ERC2: variants seen among roughly 807,000 people sequenced by gnomAD.
The protein encoded by ERC2 is ERC protein 2.
A neutral mutation model predicts 114.8 loss-of-function variants in ERC2; 42 were observed. That is an observed-to-expected ratio of 0.37 (90% CI 0.29 to 0.47). The LOEUF is 0.47. Ranked by LOEUF, ERC2 falls within the 20% of genes least tolerant of loss-of-function variation. ERC2 has a pLI of 0.99. For missense variants in ERC2, 939 were observed against 1,150.7 expected (o/e 0.82, Z 2.66); for synonymous variants, 454 against 425.5 (o/e 1.07, Z -0.82).
At chr3:55,917,493 A>G (rs998820290) in intron 13 of ERC2, among the ~76,000 whole-genome samples, 2 of 152,198 alleles carry the variant, frequency 1.3e-5, no homozygotes. Flanking sequence ...CAGATACAAA[A>G]GGCCATAGGC....
At chr3:55,971,945 T>C (rs2069188440) in intron 12 of ERC2, among the ~76,000 whole-genome samples, 1 of 152,166 alleles carries the variant, frequency 6.6e-6, no homozygotes, top group African/African-American at 2.4e-5. Context: ...ATTTAAAATA[T>C]CTATCAAAAT....
chr3:56,016,862 TCATTACCCCAGA>T (rs2073345786), intron 8 of ERC2, among the ~76,000 whole-genome samples: 1 of 152,044 alleles, frequency 6.6e-6, no homozygotes, highest in Non-Finnish European at 1.5e-5. Context: ...TCCAATTACT[TCATTACCCCAGA>T]GTTTATAGGC....
intron 3 of ERC2, among the ~76,000 whole-genome samples, chr3:56,253,401 A>G (rs910588734): frequency 6.6e-6 from 1 of 152,184 alleles, no homozygotes; most frequent in African/African-American, 2.4e-5. Flanking sequence ...TTCTTTTTCT[A>G]AAAAAGGGAG....
intron 7 of ERC2, among the ~76,000 whole-genome samples, chr3:56,021,411 G>T (rs2073704695): frequency 6.6e-6 from 1 of 151,360 alleles, no homozygotes; most frequent in Non-Finnish European, 1.5e-5. Context: ...TAAAATTATG[G>T]GCCATTTTTG....
chr3:55,934,157 TA>T (rs1439894318), intron 13 of ERC2, among the ~76,000 whole-genome samples: 5 of 152,194 alleles, frequency 3.3e-5, no homozygotes, highest in Admixed American at 6.5e-5. Flanking sequence ...TGCCAAACAT[TA>T]AGAAAAGTTC....
intron 6 of ERC2, among the ~76,000 whole-genome samples, chr3:56,119,525 C>A (rs2079453974): frequency 6.6e-6 from 1 of 152,202 alleles, no homozygotes; most frequent in Admixed American, 6.5e-5. Context: ...CCAGTAAGCC[C>A]AGCCTAGAAC....
intron 13 of ERC2, among the ~76,000 whole-genome samples, chr3:55,937,513 T>C (rs1336652426): frequency 2.6e-5 from 4 of 152,320 alleles, no homozygotes; most frequent in Non-Finnish European, 4.4e-5. Flanking sequence ...CCTAAGGTAC[T>C]GGGGTCAAAC....
chr3:55,579,929 C>T (rs958157583), intron 17 of ERC2, among the ~76,000 whole-genome samples: 1 of 152,228 alleles, frequency 6.6e-6, no homozygotes, highest in African/African-American at 2.4e-5. Flanking sequence ...AATCCTGCTT[C>T]AAGTATCTAC....
chr3:55,886,329 T>G (rs545417833), intron 14 of ERC2, among the ~76,000 whole-genome samples: 1 of 151,684 alleles, frequency 6.6e-6, no homozygotes, highest in African/African-American at 2.4e-5. Context: ...TAAGTTGAAT[T>G]TCAGTATTTT....
intron 7 of ERC2, among the ~76,000 whole-genome samples, chr3:56,033,760 T>C (rs900722747): frequency 4.6e-5 from 7 of 152,324 alleles, no homozygotes; most frequent in South Asian, 2.1e-4. Context: ...ATTTGAATCA[T>C]GTAATCATCC....
At chr3:56,204,156 T>A (rs1428000701) in intron 3 of ERC2, among the ~76,000 whole-genome samples, 1 of 152,096 alleles carries the variant, frequency 6.6e-6, no homozygotes, top group Admixed American at 6.6e-5. Context: ...ACCACTGCAC[T>A]CCAGCCTGGG....
intron 3 of ERC2, among the ~76,000 whole-genome samples, chr3:56,291,648 C>A (rs370283330): frequency 1.3e-5 from 2 of 152,136 alleles, no homozygotes; most frequent in African/African-American, 4.8e-5. Flanking sequence ...CCAACCTACT[C>A]GAACTGTGCA....
At chr3:56,207,912 A>G (rs995395333) in intron 3 of ERC2, among the ~76,000 whole-genome samples, 3 of 152,172 alleles carry the variant, frequency 2.0e-5, no homozygotes, top group Non-Finnish European at 2.9e-5. Flanking sequence ...TCAATTCCCC[A>G]ATCACCATAA....
chr3:56,229,053 T>C (rs1377003918), intron 3 of ERC2, among the ~76,000 whole-genome samples: 1 of 152,164 alleles, frequency 6.6e-6, no homozygotes, highest in Non-Finnish European at 1.5e-5. Context: ...TTCCAGAACT[T>C]CACGTACTTT....
intron 12 of ERC2, among the ~76,000 whole-genome samples, chr3:55,959,589 C>T (rs1296078293): frequency 6.6e-6 from 1 of 152,206 alleles, no homozygotes; most frequent in African/African-American, 2.4e-5. Context: ...ATAAGATGCT[C>T]TTCCTTGCGA....
chr3:55,941,410 T>C (rs2066784084), intron 13 of ERC2, among the ~76,000 whole-genome samples: 1 of 152,202 alleles, frequency 6.6e-6, no homozygotes, highest in Non-Finnish European at 1.5e-5. Flanking sequence ...CCACCTCTAT[T>C]GACTCAATTA....
chr3:55,587,216 C>T (rs776964955), intron 17 of ERC2, among the ~76,000 whole-genome samples: 2 of 152,088 alleles, frequency 1.3e-5, no homozygotes, highest in Non-Finnish European at 2.9e-5. Flanking sequence ...TGCAATGGCA[C>T]GATCTCGGCT....
chr3:55,514,416 T>C (rs2052341791), intron 17 of ERC2, among the ~76,000 whole-genome samples: 1 of 152,148 alleles, frequency 6.6e-6, no homozygotes, highest in Non-Finnish European at 1.5e-5. Context: ...ATTGTGCCAC[T>C]CCAGACAAGA....
intron 2 of ERC2, among the ~76,000 whole-genome samples, chr3:56,422,213 T>C (rs1374712520): frequency 6.6e-6 from 1 of 152,184 alleles, no homozygotes; most frequent in African/African-American, 2.4e-5. Flanking sequence ...AAATGATTAA[T>C]GAGACCATCC....
Sources: gnomAD v4.1 joint callset for allele counts (sites outside exome capture counted in the v4.1 genomes callset) on GRCh38, gnomAD v4.1.1 for gene constraint, MANE v1.5 for transcripts, NCBI Gene and HGNC (gene_info 2026-07-23, HGNC 2026-07-21) for gene names.